NEDD1: variants seen among roughly 807,000 people sequenced by gnomAD.
NEDD1 encodes protein NEDD1.
Under a neutral mutation model 74.0 loss-of-function variants are expected in NEDD1, and 33 were observed. That is an observed-to-expected ratio of 0.45 (90% CI 0.34 to 0.60). The LOEUF is 0.60. Among genes scored for constraint, NEDD1 ranks in the 20% least tolerant of loss-of-function variants. The pLI is 0.01. For synonymous variants in NEDD1, 250 were observed against 264.4 expected (o/e 0.95, Z 0.53); for missense variants, 746 against 776.5 (o/e 0.96, Z 0.47).
At chr12:96,950,457 C>T (rs1878610869) in intron 14 of NEDD1, among the ~76,000 whole-genome samples, 2 of 151,720 alleles carry the variant, frequency 1.3e-5, no homozygotes, top group Non-Finnish European at 3.0e-5. Context: ...TTTATAACAA[C>T]GTTGGAATAG....
chr12:96,929,625 T>TATATATA (rs376505455), intron 6 of NEDD1, among the ~76,000 whole-genome samples: 9 of 106,670 alleles, frequency 8.4e-5, no homozygotes, highest in African/African-American at 2.3e-4. Context: ...ATATATATAT[T>TATATATA]TTTTTTTTAA....
intron 5 of NEDD1, among the ~76,000 whole-genome samples, chr12:96,918,442 A>G (rs912340310): frequency 1.3e-5 from 2 of 152,144 alleles, no homozygotes; most frequent in African/African-American, 2.4e-5. Flanking sequence ...ACACACATAC[A>G]CAGAGGAAGA....
chr12:96,934,557 A>G (rs1239240553), intron 6 of NEDD1, among the ~76,000 whole-genome samples: 1 of 150,944 alleles, frequency 6.6e-6, no homozygotes, highest in African/African-American at 2.4e-5. Flanking sequence ...TTTGTTTTTA[A>G]GACAGAGTCT....
chr12:96,935,147 C>T lies in NEDD1; in HGVS notation c.661C>T (p.Leu221Phe). Residue 221 changes from leucine (L) to phenylalanine (F), a missense_variant, in exon 7 of 16, where the codon CTC (leucine) becomes TTC (phenylalanine). This residue lies in a region of NEDD1 where 706 missense variants were observed against 706.7 expected (regional missense o/e 1.00). Coordinates refer to ENST00000266742, the MANE Select transcript of NEDD1 (RefSeq NM_152905.4). Reference sequence around the variant, plus strand: ...CTGTTTTTCTCCTGTCAATGAATTGCTCTTTGTAACCATAGGCTTGGATAA... The same window carrying T: ...CTGTTTTTCTCCTGTCAATGAATTGTTCTTTGTAACCATAGGCTTGGATAA... The part of the protein sequence containing the change: ...GICFSPVNEL[L>F]FVTIGLDKRI... 6.2e-7 allele frequency: 1 copy of T among 1,613,314 alleles called. No individual in the cohort carries two copies. Among genetic ancestry groups the T allele is most frequent in the Non-Finnish European group, 8.5e-7 (1 of 1,179,288 alleles).
chr12:96,951,805 A>G (rs1878729073), intron 15 of NEDD1, 144 bp from the exon 16 acceptor site: 1 of 569,126 alleles, frequency 1.8e-6, no homozygotes, highest in Non-Finnish European at 3.1e-6. Context: ...ATATTAACAA[A>G]CTAGTAAGTT....
At chr12:96,940,622 C>A in intron 10 of NEDD1, 85 bp downstream of exon 10, 1 of 902,674 alleles carries the variant, frequency 1.1e-6, no homozygotes, top group Non-Finnish European at 1.7e-6. Flanking sequence ...AGCTTCAGTC[C>A]AACTCTATTC....
intron 3 of NEDD1, among the ~76,000 whole-genome samples, chr12:96,910,962 C>G (rs1873862746): frequency 6.6e-6 from 1 of 152,088 alleles, no homozygotes; most frequent in Admixed American, 6.5e-5. Context: ...TTTTATATGA[C>G]TTACTATTCT....
chr12:96,935,501 A>G (rs1052304177), intron 7 of NEDD1, among the ~76,000 whole-genome samples: 3 of 152,206 alleles, frequency 2.0e-5, no homozygotes, highest in Non-Finnish European at 4.4e-5. Context: ...TTTTAACCCA[A>G]ATGATTAATT....
chr12:96,947,215 G>C (rs946232948), intron 14 of NEDD1, among the ~76,000 whole-genome samples: 1 of 151,910 alleles, frequency 6.6e-6, no homozygotes, highest in Non-Finnish European at 1.5e-5. Context: ...AAGAATATAC[G>C]TTTTTTTCAG....
At chr12:96,924,229 G>GT (rs1184549116) in intron 6 of NEDD1, among the ~76,000 whole-genome samples, 1 of 152,146 alleles carries the variant, frequency 6.6e-6, no homozygotes, top group Non-Finnish European at 1.5e-5. Context: ...TAGTTTGACT[G>GT]TTACTAGTTT....
intron 6 of NEDD1, among the ~76,000 whole-genome samples, chr12:96,927,932 A>G (rs1875890728): frequency 6.6e-6 from 1 of 152,102 alleles, no homozygotes; most frequent in South Asian, 2.1e-4. Context: ...TGTTTATATG[A>G]TAACATTTCT....
chr12:96,946,754 G>A (rs249590), intron 14 of NEDD1, among the ~76,000 whole-genome samples: 135,829 of 152,168 alleles, frequency 0.89, 60,630 homozygotes, highest in East Asian at 0.96. Context: ...GGGATCAGTA[G>A]AATAGAACAC....
In NEDD1 at chr12:96,935,074, T is replaced by C; in HGVS notation, c.588T>C (p.Ser196=). The part of the protein sequence containing the change: ...IVTLWDVNSQ[S]PYHNFDSVHK... The stretch of plus-strand genomic sequence containing the variant: ...CTCTCTGGGATGTAAATAGTCAGAG[T>C]CCATACCATAACTTTGACAGTGTAC... The change falls in exon 7 of 16, where the codon AGT becomes AGC. Residue 196 remains serine, a synonymous_variant. Transcript: ENST00000266742. The C allele has an allele frequency of 6.2e-7, 1 of 1,609,558 alleles. No homozygotes were observed. The highest frequency in any genetic ancestry group is 8.5e-7 in the Non-Finnish European group (1 of 1,175,936).
At chr12:96,944,512 C>G in intron 12 of NEDD1, 127 bp from the exon 13 acceptor site, 3 of 496,002 alleles carry the variant, frequency 6.0e-6, no homozygotes, top group Non-Finnish European at 1.1e-5. Flanking sequence ...TTCTATATCT[C>G]TTCCTATTTT....
At position 96,912,705 on chromosome 12, in the gene NEDD1, C is replaced by T. The variant is rs899209067; in HGVS notation, c.137-18C>T. 2.4e-6 allele frequency: 3 copies of T among 1,229,866 alleles called. No individual in the cohort carries two copies. The highest frequency in any genetic ancestry group is 3.0e-5 in the African/African-American group (2 of 67,502). The allele number at this position is 1,229,866 out of a possible 1,614,324, so 76.2% of individuals were successfully genotyped here. A position where few individuals can be genotyped will look rare whatever the true frequency, so the allele number is the denominator to read the frequency against. On this transcript the variant is annotated intron_variant, in intron 3 of 15. Coordinates refer to ENST00000266742, the MANE Select transcript of NEDD1 (RefSeq NM_152905.4). ...AGATGTTCATGGATTGTTTGATGCT[C>T]CATAACTCCTCATTTAGATAACTTT...
Position 96,912,735 on chromosome 12 carries a change from TA to T in NEDD1, c.151del (p.Thr51GlnfsTer9). On this transcript the variant is annotated frameshift_variant, in exon 4 of 16. Coordinates refer to ENST00000266742, the MANE Select transcript of NEDD1 (RefSeq NM_152905.4). LOFTEE classifies it high-confidence loss of function. Reference protein sequence around the residue: ...ICWSSNNNFLVTASSSGDKIV... With the variant: ...ICWSSNNNFLXTASSSGDKIV... ...ACTCCTCATTTAGATAACTTTTTAG[TA>T]ACAGCATCTTCCAGTGGCGACAAAA... 6.3e-7 allele frequency: 1 copy of T among 1,583,070 alleles called. No homozygotes were observed. Among genetic ancestry groups the T allele is most frequent in the South Asian group, 1.1e-5 (1 of 90,030 alleles).
chr12:96,914,297 A>T (rs1156309987), intron 4 of NEDD1, among the ~76,000 whole-genome samples: 3 of 152,222 alleles, frequency 2.0e-5, no homozygotes, highest in Admixed American at 1.3e-4. Flanking sequence ...ATTATGCCTT[A>T]GGATCAGTGA....
chr12:96,937,268 C>T lies in NEDD1; in HGVS notation c.992C>T (p.Ala331Val). Residue 331 changes from alanine to valine, a missense_variant, in exon 9 of 16, where the codon GCT becomes GTT. By Grantham distance (64) the Ala-to-Val change is moderately conservative. This residue lies in a region of NEDD1 where 706 missense variants were observed against 706.7 expected (regional missense o/e 1.00). Transcript: ENST00000266742. ...VNKRSVNVNA[A>V]SGGVQNSGIV... ...AAACGAAGTGTTAATGTGAATGCTG[C>T]TAGTGGAGGAGTTCAGAATTCCGGA... The T allele has an allele frequency of 1.2e-6, 2 of 1,612,306 alleles. No individual in the cohort carries two copies. Among genetic ancestry groups the T allele is most frequent in the Non-Finnish European group, 1.7e-6 (2 of 1,178,638 alleles).
intron 3 of NEDD1, among the ~76,000 whole-genome samples, chr12:96,910,693 A>G (rs929960961): frequency 1.3e-5 from 2 of 152,214 alleles, no homozygotes; most frequent in African/African-American, 4.8e-5. Flanking sequence ...GTGACAACCC[A>G]AAACGTTTCC....
Sources: allele counts gnomAD v4.1 joint callset (sites outside exome capture counted in the v4.1 genomes callset), GRCh38; gene constraint gnomAD v4.1.1; regional missense constraint gnomAD v4.1.1; transcripts MANE v1.5; gene names NCBI Gene and HGNC (gene_info 2026-07-23, HGNC 2026-07-21).